The following CNTNAP2 variants were observed in gnomAD, a reference collection of about 807,000 sequenced individuals.
The protein encoded by CNTNAP2 is contactin-associated protein-like 2.
In CNTNAP2, 98 loss-of-function variants were observed where a neutral mutation model predicts 155.2. That is an observed-to-expected ratio of 0.63 (90% confidence interval 0.54 to 0.75). CNTNAP2 has a LOEUF of 0.75. Ranked by LOEUF, CNTNAP2 falls within the 30% of genes least tolerant of loss-of-function variation. The probability of loss-of-function intolerance (pLI) is 0.00; values close to 1 mark genes in which losing one functional copy is unlikely to be tolerated. For missense variants in CNTNAP2, 1,727 were observed against 1,688.1 expected (o/e 1.02, Z -0.40); for synonymous variants, 651 against 631.2 (o/e 1.03, Z -0.47).
chr7:147,675,096 T>C (rs1479082401), intron 13 of CNTNAP2, among the ~76,000 whole-genome samples: 1 of 152,076 alleles, frequency 6.6e-6, no homozygotes, highest in African/African-American at 2.4e-5. Context: ...CAAACCTCCT[T>C]CAAAGGCTCC....
intron 13 of CNTNAP2, among the ~76,000 whole-genome samples, chr7:147,851,061 C>G (rs1300647007): frequency 6.6e-6 from 1 of 152,120 alleles, no homozygotes; most frequent in African/African-American, 2.4e-5. Flanking sequence ...ATAAAGAACT[C>G]AAACAAATTT....
At chr7:146,352,691 A>AG (rs1398560544) in intron 1 of CNTNAP2, among the ~76,000 whole-genome samples, 3 of 92,328 alleles carry the variant, frequency 3.2e-5, no homozygotes, top group Non-Finnish European at 6.1e-5. Flanking sequence ...ATGACAACTG[A>AG]GGTAAAAAAA....
intron 15 of CNTNAP2, among the ~76,000 whole-genome samples, chr7:148,110,106 C>G (rs563534466): frequency 2.7e-4 from 41 of 152,144 alleles, no homozygotes; most frequent in African/African-American, 9.4e-4. Context: ...GGCAAACTCT[C>G]GGTGGGCTTT....
intron 20 of CNTNAP2, among the ~76,000 whole-genome samples, chr7:148,231,488 G>T (rs942429216): frequency 2.0e-5 from 3 of 152,196 alleles, no homozygotes; most frequent in African/African-American, 7.2e-5. Flanking sequence ...AATCTAGGGA[G>T]CCTGGAGAAT....
intron 1 of CNTNAP2, among the ~76,000 whole-genome samples, chr7:146,379,084 C>T (rs1350191040): frequency 6.6e-6 from 1 of 152,220 alleles, no homozygotes; most frequent in Non-Finnish European, 1.5e-5. Flanking sequence ...TGTGTGGGGC[C>T]TAGGAGACTT....
At chr7:146,461,662 G>A (rs1032225714) in intron 1 of CNTNAP2, among the ~76,000 whole-genome samples, 1 of 152,124 alleles carries the variant, frequency 6.6e-6, no homozygotes, top group African/African-American at 2.4e-5. Flanking sequence ...AGAATCAGAC[G>A]TTGGTCCCTT....
At position 147,448,484 on chromosome 7, in the gene CNTNAP2, G is replaced by GTGTATATA. The variant is rs778509274; in HGVS notation, c.1671-37450_1671-37449insGTATATAT. On this transcript the variant is annotated intron_variant, in intron 10 of 23. Transcript: ENST00000361727. Reference sequence around the variant, plus strand: ...AAACAAACCAAATATGTGTGTGTGTGTATATATATATATATATATATGCAC... The same window carrying GTGTATATA: ...AAACAAACCAAATATGTGTGTGTGTGTGTATATATATATATATATATATATATATGCAC... Among the ~76,000 whole-genome samples the GTGTATATA allele has an allele frequency of 8.0e-3, 1,142 of 143,424 alleles. 9 individuals carry two copies. Among genetic ancestry groups the GTGTATATA allele is most frequent in the Non-Finnish European group, 0.013 (856 of 66,232 alleles). The allele number at this position is 143,424 out of a possible 152,430, so 94.1% of individuals were successfully genotyped here.
At chr7:146,995,651 C>T (rs895465336) in intron 3 of CNTNAP2, among the ~76,000 whole-genome samples, 4 of 151,782 alleles carry the variant, frequency 2.6e-5, no homozygotes, top group African/African-American at 4.8e-5. Context: ...ATGTCTTTGC[C>T]CATTTTAAAT....
intron 1 of CNTNAP2, among the ~76,000 whole-genome samples, chr7:146,402,269 C>G (rs537691786): frequency 1.3e-5 from 2 of 152,220 alleles, no homozygotes; most frequent in African/African-American, 2.4e-5. Context: ...CGTGTGAATT[C>G]TTAACCTGTG....
At chr7:147,414,490 G>A (rs976305195) in intron 10 of CNTNAP2, among the ~76,000 whole-genome samples, 2 of 150,096 alleles carry the variant, frequency 1.3e-5, no homozygotes, top group East Asian at 3.9e-4. Context: ...ATCTAAATGT[G>A]TAGTTGTTTG....
intron 2 of CNTNAP2, among the ~76,000 whole-genome samples, chr7:146,798,259 T>C (rs1409768069): frequency 6.6e-6 from 1 of 151,364 alleles, no homozygotes; most frequent in Non-Finnish European, 1.5e-5. Flanking sequence ...GCCTAGGTGA[T>C]AGAGCCAGAC....
At chr7:146,519,826 AATC>A (rs1797592391) in intron 1 of CNTNAP2, among the ~76,000 whole-genome samples, 2 of 151,890 alleles carry the variant, frequency 1.3e-5, no homozygotes, top group Admixed American at 1.3e-4. Flanking sequence ...TAAATTCAGT[AATC>A]ATGAAACCCC....
At chr7:146,173,650 A>G (rs1283914369) in intron 1 of CNTNAP2, among the ~76,000 whole-genome samples, 1 of 152,198 alleles carries the variant, frequency 6.6e-6, no homozygotes, top group Admixed American at 6.5e-5. Context: ...TTTTTGTAAT[A>G]GTTGGTATAT....
intron 17 of CNTNAP2, among the ~76,000 whole-genome samples, chr7:148,152,975 C>T (rs1046891906): frequency 7.0e-6 from 1 of 142,538 alleles, no homozygotes; most frequent in Non-Finnish European, 1.5e-5. Flanking sequence ...GAGCCGAGAT[C>T]GCGCCACTGC....
At chr7:147,592,036 G>C (rs1009803776) in intron 12 of CNTNAP2, among the ~76,000 whole-genome samples, 1 of 152,116 alleles carries the variant, frequency 6.6e-6, no homozygotes, top group African/African-American at 2.4e-5. Context: ...TTCTTCCTCT[G>C]TCTCCCAGGT....
At chr7:147,962,105 G>A (rs528460329) in intron 14 of CNTNAP2, among the ~76,000 whole-genome samples, 4 of 152,352 alleles carry the variant, frequency 2.6e-5, no homozygotes, top group African/African-American at 9.6e-5. Context: ...GAAGATTAGA[G>A]TTAGGACTGA....
intron 4 of CNTNAP2, among the ~76,000 whole-genome samples, chr7:147,093,346 C>A (rs1222215924): frequency 6.6e-6 from 1 of 151,518 alleles, no homozygotes; most frequent in South Asian, 2.1e-4. Context: ...TAATCATTTG[C>A]CTCAAGATTA....
intron 15 of CNTNAP2, among the ~76,000 whole-genome samples, chr7:148,027,426 A>G (rs1033305860): frequency 1.3e-5 from 2 of 152,210 alleles, no homozygotes; most frequent in Non-Finnish European, 2.9e-5. Flanking sequence ...TTTACCAATC[A>G]GGAAAAGATT....
chr7:146,215,004 G>T (rs777572012), intron 1 of CNTNAP2, among the ~76,000 whole-genome samples: 1 of 152,092 alleles, frequency 6.6e-6, no homozygotes, highest in Non-Finnish European at 1.5e-5. Flanking sequence ...CAGAAAATCT[G>T]CTCCGTTTGA....
Sources: gnomAD v4.1 joint callset for allele counts (sites outside exome capture counted in the v4.1 genomes callset) on GRCh38, gnomAD v4.1.1 for gene constraint, MANE v1.5 for transcripts, NCBI Gene and HGNC (gene_info 2026-07-23, HGNC 2026-07-21) for gene names.